OCA2: variants seen among roughly 807,000 people sequenced by gnomAD.
OCA2 encodes OCA2 melanosomal transmembrane protein.
A neutral mutation model predicts 100.2 loss-of-function variants in OCA2; 77 were observed. That is an observed-to-expected ratio of 0.77 (90% CI 0.64 to 0.93). The LOEUF is 0.93. Among genes scored for constraint, OCA2 ranks in the 40% least tolerant of loss-of-function variants. OCA2 has a pLI of 0.00. For synonymous variants in OCA2, 432 were observed against 439.2 expected (o/e 0.98, Z 0.21); for missense variants, 1,062 against 1,089.1 (o/e 0.98, Z 0.35).
At chr15:27,764,068 G>A (rs1477126683) in intron 23 of OCA2, among the ~76,000 whole-genome samples, 1 of 151,420 alleles carries the variant, frequency 6.6e-6, no homozygotes, top group Non-Finnish European at 1.5e-5. Context: ...ATAGACAGAG[G>A]GAGAAATGGA....
At chr15:27,761,656 G>T (rs1055271318) in intron 23 of OCA2, among the ~76,000 whole-genome samples, 1 of 152,130 alleles carries the variant, frequency 6.6e-6, no homozygotes, top group South Asian at 2.1e-4. Context: ...CTCTAGAATA[G>T]CAAAGACAAT....
At chr15:28,011,208 T>G (rs978249058) in intron 9 of OCA2, among the ~76,000 whole-genome samples, 2 of 152,208 alleles carry the variant, frequency 1.3e-5, no homozygotes, top group Non-Finnish European at 2.9e-5. Context: ...CTCACACCTG[T>G]AATCTTAGCA....
intron 2 of OCA2, among the ~76,000 whole-genome samples, chr15:28,081,423 C>T (rs1054153962): frequency 6.6e-6 from 1 of 152,154 alleles, no homozygotes; most frequent in Admixed American, 6.5e-5. Context: ...CTTCATGCTA[C>T]AAACTCTTTT....
intron 2 of OCA2, among the ~76,000 whole-genome samples, chr15:28,051,017 A>T (rs2141563277): frequency 6.6e-6 from 1 of 152,256 alleles, no homozygotes; most frequent in Non-Finnish European, 1.5e-5. Flanking sequence ...TGCACAGGGC[A>T]TGGTGACTTG....
At chr15:27,896,207 T>C (rs892542874) in intron 19 of OCA2, 11 of 923,654 alleles carry the variant, frequency 1.2e-5, no homozygotes, top group African/African-American at 3.2e-5. Flanking sequence ...GAGGCTTGTC[T>C]ATCCCTCACA....
At chr15:27,891,823 C>T (rs1240927867) in intron 19 of OCA2, among the ~76,000 whole-genome samples, 2 of 151,714 alleles carry the variant, frequency 1.3e-5, no homozygotes, top group African/African-American at 2.4e-5. Context: ...ACATATCAAC[C>T]AAAACACAGA....
chr15:27,787,759 C>A (rs1160624236), intron 23 of OCA2, among the ~76,000 whole-genome samples: 1 of 151,374 alleles, frequency 6.6e-6, no homozygotes, highest in Non-Finnish European at 1.5e-5. Context: ...TATTTTCTTC[C>A]TTCCAATTGA....
Position 28,014,763 on chromosome 15 carries a change from G to A in OCA2, c.1044+13C>T, listed in dbSNP as rs1013487670. 59 of 1,610,974 alleles carry A rather than the reference G, an allele frequency of 3.7e-5. No individual in the cohort carries two copies. The highest frequency in any genetic ancestry group is 4.9e-5 in the Non-Finnish European group (58 of 1,179,756). Reference sequence around the variant, plus strand: ...GGGCCCAGACAGATCGGGGGAGCAGGTGTGAAAGTTACCTCAAATATGATC... The same window carrying A: ...GGGCCCAGACAGATCGGGGGAGCAGATGTGAAAGTTACCTCAAATATGATC... On this transcript the variant is annotated intron_variant, in intron 9 of 23. Coordinates refer to ENST00000354638, the MANE Select transcript of OCA2 (RefSeq NM_000275.3).
At chr15:28,046,636 G>A (rs573436303) in intron 2 of OCA2, among the ~76,000 whole-genome samples, 1 of 152,324 alleles carries the variant, frequency 6.6e-6, no homozygotes, top group African/African-American at 2.4e-5. Flanking sequence ...AGGGCAGGGG[G>A]AAAGGAGGGA....
chr15:28,067,942 C>G (rs1350450107), intron 2 of OCA2, among the ~76,000 whole-genome samples: 1 of 152,094 alleles, frequency 6.6e-6, no homozygotes, highest in Non-Finnish European at 1.5e-5. Flanking sequence ...GTTGAAATCT[C>G]CCACTATTAT....
intron 1 of OCA2, among the ~76,000 whole-genome samples, chr15:28,088,260 G>A (rs2044812517): frequency 6.6e-6 from 1 of 152,142 alleles, no homozygotes; most frequent in Non-Finnish European, 1.5e-5. Context: ...TTGAATGTTT[G>A]AAGCAAAAAT....
intron 2 of OCA2, among the ~76,000 whole-genome samples, chr15:28,080,876 G>C (rs952608230): frequency 1.3e-5 from 2 of 152,180 alleles, no homozygotes; most frequent in African/African-American, 2.4e-5. Flanking sequence ...ACCATTCATT[G>C]TCTTTACATA....
the OCA2 span, among the ~76,000 whole-genome samples, chr15:27,730,292 G>C: frequency 6.6e-6 from 1 of 152,132 alleles, no homozygotes; most frequent in South Asian, 2.1e-4. Context: ...TAAGGTCCTG[G>C]GGGAAGGAGG....
At chr15:28,060,373 A>C (rs2043835352) in intron 2 of OCA2, among the ~76,000 whole-genome samples, 1 of 152,198 alleles carries the variant, frequency 6.6e-6, no homozygotes, top group African/African-American at 2.4e-5. Context: ...ATTTTTTTTA[A>C]TCCTAGCTTG....
At chr15:27,868,001 A>G (rs951745213) in intron 21 of OCA2, among the ~76,000 whole-genome samples, 2 of 152,168 alleles carry the variant, frequency 1.3e-5, no homozygotes, top group Non-Finnish European at 2.9e-5. Context: ...CCACCTATGC[A>G]GCAGCCCACT....
chr15:28,064,033 C>T lies in OCA2; in HGVS notation c.227+17615G>A, dbSNP rs183354551. Among the ~76,000 whole-genome samples the T allele has an allele frequency of 3.2e-3, 483 of 152,086 alleles. 3 individuals are homozygous for T. The highest frequency in any genetic ancestry group is 0.011 in the African/African-American group (466 of 41,500). On this transcript the variant is annotated intron_variant, in intron 2 of 23. Coordinates refer to ENST00000354638, the MANE Select transcript of OCA2 (RefSeq NM_000275.3). Reference sequence around the variant, plus strand: ...TGTTGGTATGGGAATTTCTTAACATCTCCCTCATTTTTGAAGGGCAGTTTT... The same window carrying T: ...TGTTGGTATGGGAATTTCTTAACATTTCCCTCATTTTTGAAGGGCAGTTTT...
At chr15:27,757,793 A>G (rs1189608364) in intron 23 of OCA2, among the ~76,000 whole-genome samples, 2 of 152,222 alleles carry the variant, frequency 1.3e-5, no homozygotes, top group African/African-American at 4.8e-5. Flanking sequence ...GCCACAGACC[A>G]GTGCTCCTCA....
intron 14 of OCA2, among the ~76,000 whole-genome samples, chr15:27,977,985 T>C (rs1009291205): frequency 6.6e-6 from 1 of 152,216 alleles, no homozygotes; most frequent in African/African-American, 2.4e-5. Flanking sequence ...GTCTATGGTA[T>C]TTGGTTATCG....
At chr15:28,080,279 G>T (rs1376817964) in intron 2 of OCA2, among the ~76,000 whole-genome samples, 2 of 152,212 alleles carry the variant, frequency 1.3e-5, no homozygotes, top group Non-Finnish European at 1.5e-5. Flanking sequence ...GAATCTGGGG[G>T]GAACAGACAC....
Sources: allele counts gnomAD v4.1 joint callset (sites outside exome capture counted in the v4.1 genomes callset), GRCh38; gene constraint gnomAD v4.1.1; transcripts MANE v1.5; gene names NCBI Gene and HGNC (gene_info 2026-07-23, HGNC 2026-07-21).